RGL1: variants seen among roughly 807,000 people sequenced by gnomAD.
RGL1 encodes ral guanine nucleotide dissociation stimulator-like 1.
In RGL1, 24 loss-of-function variants were observed where a neutral mutation model predicts 95.2. The observed-to-expected ratio is 0.25, with a 90% CI of 0.18 to 0.35. The LOEUF (loss-of-function observed/expected upper bound fraction) is 0.35, where lower values mean the gene tolerates loss of function less well. RGL1 is among the 10% of genes least tolerant of loss of function. RGL1 has a pLI of 1.00. For missense variants in RGL1, 715 were observed against 936.3 expected, an observed-to-expected ratio of 0.76 and a Z score of 3.08; for synonymous variants, 329 against 344.9, an observed-to-expected ratio of 0.95 and a Z score of 0.51.
At chr1:183,839,548 C>T (rs187201467) in intron 2 of RGL1, among the ~76,000 whole-genome samples, 22 of 152,340 alleles carry the variant, frequency 1.4e-4, no homozygotes, top group Admixed American at 1.3e-3. Context: ...AAAGCCCTTG[C>T]AGTTGCTTAT....
At position 183,849,487 on chromosome 1, in the gene RGL1, T is replaced by A. The variant is rs958900760; in HGVS notation, c.347+1713T>A. On this transcript the variant is annotated intron_variant, in intron 3 of 17. Transcript: ENST00000360851. ...TTAAGTTTTCTCCAGTTTTTAGTTTTTTTTTTTTTTTTTTTTTTTGTTGAG... is the reference window on the plus strand; with the variant it reads ...TTAAGTTTTCTCCAGTTTTTAGTTTATTTTTTTTTTTTTTTTTTTGTTGAG... Among the ~76,000 whole-genome samples the A allele has an allele frequency of 2.4e-3, 281 of 118,424 alleles. 1 individual carries two copies. The highest frequency in any genetic ancestry group is 3.8e-3 in the Non-Finnish European group (229 of 60,522). The allele number at this position is 118,424 out of a possible 152,430, so 77.7% of individuals were successfully genotyped here.
intron 2 of RGL1, among the ~76,000 whole-genome samples, chr1:183,744,275 A>G (rs903343880): frequency 4.6e-5 from 7 of 152,068 alleles, no homozygotes; most frequent in African/African-American, 1.7e-4. Context: ...GCAGAAGCAA[A>G]TACAAGCCTT....
intron 16 of RGL1, among the ~76,000 whole-genome samples, chr1:183,921,470 GACTCC>G (rs1363976648): frequency 1.3e-5 from 2 of 152,048 alleles, no homozygotes; most frequent in Non-Finnish European, 2.9e-5. Flanking sequence ...TGAAAGAATA[GACTCC>G]ACTGGTATGT....
At chr1:183,908,496 C>T (rs1394491081) in intron 14 of RGL1, among the ~76,000 whole-genome samples, 1 of 152,178 alleles carries the variant, frequency 6.6e-6, no homozygotes, top group Non-Finnish European at 1.5e-5. Context: ...ACTGTCCTGG[C>T]CCTGCGGAAC....
intron 2 of RGL1, among the ~76,000 whole-genome samples, chr1:183,775,069 T>C (rs765667701): frequency 3.3e-5 from 5 of 152,174 alleles, no homozygotes; most frequent in Non-Finnish European, 7.4e-5. Context: ...TATAAACCCC[T>C]AATTTTAGTC....
In RGL1 at chr1:183,772,537, T is replaced by A. The variant is rs370507214; in HGVS notation, c.132+30248T>A. Among the ~76,000 whole-genome samples, 21 of 152,298 alleles carry A rather than the reference T, an allele frequency of 1.4e-4. No individual in the cohort carries two copies. In the East Asian group the frequency reaches 4.0e-3, roughly 29 times the overall value. On this transcript the variant is annotated intron_variant, in intron 2 of 18. Transcript: ENST00000304685. ...TAGTTCTTCCTACAGTAGTAGAAAT[T>A]GAAAAACCTTCACTGGAAACTCTAC...
At chr1:183,723,993 G>A (rs1161307724) in intron 1 of RGL1, among the ~76,000 whole-genome samples, 6 of 152,094 alleles carry the variant, frequency 3.9e-5, no homozygotes, top group Non-Finnish European at 5.9e-5. Flanking sequence ...AGGGCATTAG[G>A]CAGAGTTATG....
intron 2 of RGL1, among the ~76,000 whole-genome samples, chr1:183,764,930 C>G (rs1456893834): frequency 6.6e-6 from 1 of 152,204 alleles, no homozygotes; most frequent in Non-Finnish European, 1.5e-5. Flanking sequence ...ATAGGCTCTT[C>G]TACATTGGCT....
At chr1:183,837,980 A>T (rs528884522) in intron 2 of RGL1, among the ~76,000 whole-genome samples, 15 of 152,144 alleles carry the variant, frequency 9.9e-5, no homozygotes, top group African/African-American at 3.6e-4. Flanking sequence ...CCTGCCACTC[A>T]CCTGCTGCTG....
At chr1:183,902,931 A>G (rs1316067761) in intron 12 of RGL1, among the ~76,000 whole-genome samples, 1 of 152,156 alleles carries the variant, frequency 6.6e-6, no homozygotes, top group Non-Finnish European at 1.5e-5. Context: ...TATCTCCTTT[A>G]CAATTAGCTT....
chr1:183,670,933 G>A (rs114599806), intron 1 of RGL1, among the ~76,000 whole-genome samples: 1,585 of 152,224 alleles, frequency 0.01, 31 homozygotes, highest in African/African-American at 0.036. Context: ...TGTAAGAACT[G>A]CCCAAGACTG....
At chr1:183,668,945 T>C (rs1330104529) in intron 1 of RGL1, among the ~76,000 whole-genome samples, 2 of 145,520 alleles carry the variant, frequency 1.4e-5, no homozygotes, top group African/African-American at 2.5e-5. Context: ...CTTTTCTTTT[T>C]TTTTTTTTTT....
chr1:183,664,179 A>G (rs1273356030), intron 1 of RGL1, among the ~76,000 whole-genome samples: 1 of 151,868 alleles, frequency 6.6e-6, no homozygotes, highest in South Asian at 2.1e-4. Flanking sequence ...TAACCTGCCC[A>G]TTGTGCACAT....
At chr1:183,872,575 C>T (rs1368856876) in intron 4 of RGL1, among the ~76,000 whole-genome samples, 1 of 152,104 alleles carries the variant, frequency 6.6e-6, no homozygotes, top group Non-Finnish European at 1.5e-5. Context: ...GTAATCTTTT[C>T]CCAGAAGTTG....
At chr1:183,811,533 G>A (rs985094097) in intron 2 of RGL1, among the ~76,000 whole-genome samples, 1 of 152,230 alleles carries the variant, frequency 6.6e-6, no homozygotes, top group Non-Finnish European at 1.5e-5. Context: ...TAGCAGCTAT[G>A]TGTAAATGAA....
chr1:183,926,229 G>C lies in RGL1; in HGVS notation c.2244G>C (p.Leu748Phe). ...EQVKLRSRTS[L>F]TLPRTAKRGC... Reference sequence around the variant, plus strand: ...TGAAACTGCGTAGCCGGACCAGCTTGACGTTGCCCAGGACAGCTAAACGGG... The same window carrying C: ...TGAAACTGCGTAGCCGGACCAGCTTCACGTTGCCCAGGACAGCTAAACGGG... The change falls in exon 18 of 18, where the codon TTG (leucine) becomes TTC (phenylalanine). Residue 748 changes from leucine (L) to phenylalanine (F), a missense_variant. By Grantham distance (22) the Leu-to-Phe change is conservative (BLOSUM62 0). This residue lies in a region of RGL1 where 330 missense variants were observed against 429.6 expected (regional missense o/e 0.77). Transcript: ENST00000360851. 6.2e-7 allele frequency: 1 copy of C among 1,613,942 alleles called. No homozygotes were observed. Among genetic ancestry groups the C allele is most frequent in the Non-Finnish European group, 8.5e-7 (1 of 1,179,896 alleles).
At chr1:183,715,803 A>C (rs945124380) in intron 1 of RGL1, among the ~76,000 whole-genome samples, 6 of 152,206 alleles carry the variant, frequency 3.9e-5, no homozygotes, top group South Asian at 4.2e-4. Context: ...GAAAGAAACT[A>C]TAAGGAATTG....
chr1:183,888,485 C>G lies in RGL1; in HGVS notation c.963C>G (p.Leu321=). 6.2e-7 allele frequency: 1 copy of G among 1,606,560 alleles called. No homozygotes were observed. Among genetic ancestry groups the G allele is most frequent in the South Asian group, 1.1e-5 (1 of 90,864 alleles). ...KWINIAHECR[L]LKNFSSLRAI... ...CACTCCCCATGCAGGAATGTAGACT[C>G]CTGAAGAATTTTTCCTCCTTGAGGG... Residue 321 remains leucine, a synonymous_variant, in exon 8 of 18, where the codon CTC becomes CTG. Coordinates refer to ENST00000360851, the MANE Select transcript of RGL1 (RefSeq NM_001297671.3).
intron 1 of RGL1, among the ~76,000 whole-genome samples, chr1:183,686,835 G>A (rs567490292): frequency 1.8e-4 from 27 of 152,162 alleles, no homozygotes; most frequent in African/African-American, 6.3e-4. Flanking sequence ...ATACATCTCC[G>A]CCTCAGTGCC....
Sources: allele counts gnomAD v4.1 joint callset (sites outside exome capture counted in the v4.1 genomes callset), GRCh38; gene constraint gnomAD v4.1.1; regional missense constraint gnomAD v4.1.1; transcripts MANE v1.5; gene names NCBI Gene and HGNC (gene_info 2026-07-23, HGNC 2026-07-21).